CACNA2D1: variants seen among roughly 807,000 people sequenced by gnomAD.
CACNA2D1 encodes calcium voltage-gated channel auxiliary subunit alpha2delta 1, also known as voltage-dependent calcium channel subunit alpha-2/delta-1.
A neutral mutation model predicts 171.5 loss-of-function variants in CACNA2D1; 53 were observed. The ratio of observed to expected loss-of-function variants is 0.31; its 90% CI spans 0.25 to 0.39. The LOEUF is 0.39. Among genes scored for constraint, CACNA2D1 ranks in the 10% least tolerant of loss-of-function variants. The probability of loss-of-function intolerance (pLI) is 1.00; values close to 1 mark genes in which losing one functional copy is unlikely to be tolerated. For missense variants in CACNA2D1, 903 were observed against 1,299.8 expected (o/e 0.69, Z 4.69); for synonymous variants, 442 against 443.1 (o/e 1.00, Z 0.03).
At chr7:82,397,750 G>A (rs1003434101) in intron 1 of CACNA2D1, among the ~76,000 whole-genome samples, 2 of 152,184 alleles carry the variant, frequency 1.3e-5, no homozygotes, top group South Asian at 2.1e-4. Flanking sequence ...TTTAATCATC[G>A]TTACCATGCT....
intron 12 of CACNA2D1, among the ~76,000 whole-genome samples, chr7:82,020,175 C>T (rs1429650337): frequency 1.3e-5 from 2 of 152,168 alleles, no homozygotes; most frequent in South Asian, 2.1e-4. Flanking sequence ...CTGTAAGGAG[C>T]AGATCCCTGT....
intron 3 of CACNA2D1, among the ~76,000 whole-genome samples, chr7:82,173,576 G>C (rs966293047): frequency 6.6e-6 from 1 of 151,438 alleles, no homozygotes; most frequent in Non-Finnish European, 1.5e-5. Flanking sequence ...AGTCTATCTC[G>C]GGACTAGAGT....
At chr7:82,383,928 GA>G (rs1266381665) in intron 1 of CACNA2D1, among the ~76,000 whole-genome samples, 1 of 151,838 alleles carries the variant, frequency 6.6e-6, no homozygotes, top group Admixed American at 6.6e-5. Context: ...TTACACATTT[GA>G]AAAAAACAAA....
intron 3 of CACNA2D1, among the ~76,000 whole-genome samples, chr7:82,206,965 T>C (rs1291534915): frequency 1.3e-5 from 2 of 152,194 alleles, no homozygotes; most frequent in East Asian, 3.8e-4. Context: ...GGAATACATT[T>C]ATTGAATGGA....
intron 4 of CACNA2D1, among the ~76,000 whole-genome samples, chr7:82,145,765 T>C (rs2129096870): frequency 6.7e-6 from 1 of 150,276 alleles, no homozygotes; most frequent in Middle Eastern, 3.5e-3. Flanking sequence ...CTAAATAGTT[T>C]ACATAATAAA....
chr7:82,305,299 C>A (rs997027612), intron 3 of CACNA2D1, among the ~76,000 whole-genome samples: 1 of 151,994 alleles, frequency 6.6e-6, no homozygotes, highest in African/African-American at 2.4e-5. Context: ...TAAAGGGAAC[C>A]AAAAATATTT....
intron 1 of CACNA2D1, among the ~76,000 whole-genome samples, chr7:82,417,176 G>A (rs1828263412): frequency 6.6e-6 from 1 of 152,292 alleles, no homozygotes; most frequent in African/African-American, 2.4e-5. Flanking sequence ...TATGGCAGAT[G>A]TATTAGTGAG....
At chr7:82,200,432 AT>A (rs1799292100) in intron 3 of CACNA2D1, among the ~76,000 whole-genome samples, 1 of 152,060 alleles carries the variant, frequency 6.6e-6, no homozygotes, top group Non-Finnish European at 1.5e-5. Flanking sequence ...ATACGCATAT[AT>A]TTTTACTTAA....
intron 3 of CACNA2D1, among the ~76,000 whole-genome samples, chr7:82,185,540 AAGG>A (rs1797639346): frequency 1.6e-4 from 2 of 12,680 alleles, no homozygotes; most frequent in African/African-American, 7.1e-4. Context: ...GAGGGGGAGG[AAGG>A]GGAGGGGGAG....
chr7:82,361,825 T>C (rs1202339479), intron 1 of CACNA2D1, among the ~76,000 whole-genome samples: 2 of 152,148 alleles, frequency 1.3e-5, no homozygotes, highest in Non-Finnish European at 2.9e-5. Flanking sequence ...AAGAGAAAAA[T>C]CACAGTTTTA....
At chr7:82,132,159 A>C (rs1366773906) in intron 5 of CACNA2D1, among the ~76,000 whole-genome samples, 1 of 152,228 alleles carries the variant, frequency 6.6e-6, no homozygotes, top group Admixed American at 6.5e-5. Flanking sequence ...GAAAAAACTC[A>C]GTACAGCACC....
At chr7:82,166,835 C>T (rs1563146266) in intron 4 of CACNA2D1, among the ~76,000 whole-genome samples, 1 of 152,024 alleles carries the variant, frequency 6.6e-6, no homozygotes, top group Non-Finnish European at 1.5e-5. Flanking sequence ...CCTTTGTTCC[C>T]TCAATTGTGT....
Position 81,982,681 on chromosome 7 carries a change from G to A in CACNA2D1, c.1895-54C>T, listed in dbSNP as rs927381961. On this transcript the variant is annotated intron_variant, in intron 23 of 38. Transcript: ENST00000356860. ...AGGTAATTCAGAGTATATATCCAGA[G>A]ATTCTATAACAATAAGAAGGCATGA... 3.5e-5 allele frequency: 37 copies of A among 1,066,708 alleles called. No homozygotes were observed. In the Admixed American group the frequency reaches 6.2e-4, roughly 18 times the overall value. 66.1% of individuals were successfully genotyped at this position (1,066,708 alleles called of 1,614,324 possible).
Position 81,950,253 on chromosome 7 carries a change from C to T in CACNA2D1, c.*139G>A, listed in dbSNP as rs1231362696. On this transcript the variant is annotated 3_prime_UTR_variant, in exon 39 of 39. Transcript: ENST00000356860. Reference sequence around the variant, plus strand: ...CCAGTGGGTGCCTTAGGAGTCTGCGCCTTAGTGTTATGCCATGGAACAGGC... The same window carrying T: ...CCAGTGGGTGCCTTAGGAGTCTGCGTCTTAGTGTTATGCCATGGAACAGGC... The T allele has an allele frequency of 3.9e-6, 6 of 1,520,834 alleles. No individual in the cohort carries two copies. The highest frequency in any genetic ancestry group is 5.4e-6 in the Non-Finnish European group (6 of 1,111,142). The allele number at this position is 1,520,834 out of a possible 1,614,324, so 94.2% of individuals were successfully genotyped here.
chr7:82,037,422 C>G (rs906701523), intron 11 of CACNA2D1, among the ~76,000 whole-genome samples: 1 of 151,732 alleles, frequency 6.6e-6, no homozygotes, highest in Non-Finnish European at 1.5e-5. Context: ...GAGGTTGCAA[C>G]GAGCCAAGAT....
chr7:82,370,768 A>C (rs768251913), intron 1 of CACNA2D1, among the ~76,000 whole-genome samples: 108 of 152,266 alleles, frequency 7.1e-4, no homozygotes, highest in Admixed American at 1.6e-3. Context: ...TTGTAATAGA[A>C]AACAAATGGA....
At position 81,958,899 on chromosome 7, in the gene CACNA2D1, G is replaced by GT. The variant is rs539965591; in HGVS notation, c.3159+375dup. On this transcript the variant is annotated intron_variant, in intron 38 of 38. Coordinates refer to ENST00000356860, the MANE Select transcript of CACNA2D1 (RefSeq NM_000722.4). ...TAATAAGACAATGGCTGTATAACAG[G>GT]TTTTTCAATTCACTGAAGACAAATA... 7.5e-3 allele frequency among the ~76,000 whole-genome samples: 1,131 copies of GT among 151,610 alleles called. 6 individuals are homozygous for GT. Among genetic ancestry groups the GT allele is most frequent in the Non-Finnish European group, 0.011 (771 of 67,868 alleles).
At chr7:82,366,893 T>C (rs1821786842) in intron 1 of CACNA2D1, among the ~76,000 whole-genome samples, 3 of 146,198 alleles carry the variant, frequency 2.1e-5, no homozygotes. Flanking sequence ...CAGCATCCAC[T>C]GGTTTTGACC....
At chr7:82,170,057 T>C (rs183066859) in intron 4 of CACNA2D1, among the ~76,000 whole-genome samples, 1 of 151,970 alleles carries the variant, frequency 6.6e-6, no homozygotes, top group African/African-American at 2.4e-5. Flanking sequence ...GAGAGATTAC[T>C]TCTAGCTAAA....
Sources: allele counts gnomAD v4.1 joint callset (sites outside exome capture counted in the v4.1 genomes callset), GRCh38; gene constraint gnomAD v4.1.1; transcripts MANE v1.5; gene names NCBI Gene and HGNC (gene_info 2026-07-23, HGNC 2026-07-21).